CDK14: variants seen among roughly 807,000 people sequenced by gnomAD.
The protein encoded by CDK14 is cyclin dependent kinase 14.
CDK14 carries 34 observed loss-of-function variants against 60.7 expected under a neutral mutation model. The ratio of observed to expected loss-of-function variants is 0.56; its 90% confidence interval spans 0.43 to 0.75. CDK14 has a LOEUF of 0.75. Ranked by LOEUF, CDK14 falls within the 30% of genes least tolerant of loss-of-function variation. The pLI is 0.00. For synonymous variants in CDK14, 197 were observed against 203.7 expected, an observed-to-expected ratio of 0.97 and a Z score of 0.28; for missense variants, 482 against 564.1, an observed-to-expected ratio of 0.85 and a Z score of 1.47.
intron 14 of CDK14, among the ~76,000 whole-genome samples, chr7:91,187,053 C>A (rs187452171): frequency 1.3e-5 from 2 of 152,296 alleles, no homozygotes; most frequent in South Asian, 2.1e-4. Context: ...AAAAACAGTA[C>A]GTAATTATGT....
chr7:90,779,585 A>G (rs1805221743), intron 4 of CDK14, among the ~76,000 whole-genome samples: 1 of 152,184 alleles, frequency 6.6e-6, no homozygotes. Context: ...ATTCTTTAAA[A>G]AAGAACTTAT....
At chr7:90,737,235 G>T (rs1803156807) in intron 3 of CDK14, among the ~76,000 whole-genome samples, 1 of 152,128 alleles carries the variant, frequency 6.6e-6, no homozygotes, top group African/African-American at 2.4e-5. Context: ...ATTTAGAAGG[G>T]ATTTCATTGA....
At chr7:90,720,663 T>C (rs1802415466) in intron 2 of CDK14, among the ~76,000 whole-genome samples, 1 of 152,218 alleles carries the variant, frequency 6.6e-6, no homozygotes, top group South Asian at 2.1e-4. Flanking sequence ...TATTAATATA[T>C]TACTATACTT....
At chr7:90,655,234 T>G (rs2188146) in intron 2 of CDK14, among the ~76,000 whole-genome samples, 46,405 of 152,042 alleles carry the variant, frequency 0.31, 7,970 homozygotes, top group East Asian at 0.67. Flanking sequence ...CATTTACCCA[T>G]TGATGTAACA....
chr7:90,893,282 G>A (rs942911764), intron 6 of CDK14, among the ~76,000 whole-genome samples: 2 of 152,178 alleles, frequency 1.3e-5, no homozygotes, highest in Admixed American at 1.3e-4. Context: ...GAAGAGGTGA[G>A]GCATAATTTA....
intron 8 of CDK14, among the ~76,000 whole-genome samples, chr7:90,922,190 C>T (rs1418150145): frequency 6.6e-6 from 1 of 152,118 alleles, no homozygotes; most frequent in Non-Finnish European, 1.5e-5. Flanking sequence ...TAACTTAGCT[C>T]ATTTGTTGTG....
intron 9 of CDK14, among the ~76,000 whole-genome samples, chr7:90,975,616 T>C (rs544980819): frequency 6.6e-6 from 1 of 152,172 alleles, no homozygotes; most frequent in Admixed American, 6.5e-5. Flanking sequence ...CCTACATTGG[T>C]ATAAGACACT....
intron 2 of CDK14, among the ~76,000 whole-genome samples, chr7:90,685,457 G>A (rs1801412115): frequency 6.6e-6 from 1 of 151,644 alleles, no homozygotes; most frequent in African/African-American, 2.4e-5. Flanking sequence ...ATTTTGATTA[G>A]CCTGGCATTG....
chr7:90,667,961 C>T (rs988869260), intron 2 of CDK14, among the ~76,000 whole-genome samples: 1 of 152,068 alleles, frequency 6.6e-6, no homozygotes, highest in Admixed American at 6.6e-5. Flanking sequence ...GGGTTGTTTC[C>T]ACTTTTTGGC....
At chr7:90,916,371 C>T (rs1009237995) in intron 7 of CDK14, among the ~76,000 whole-genome samples, 9 of 152,134 alleles carry the variant, frequency 5.9e-5, no homozygotes, top group African/African-American at 1.9e-4. Flanking sequence ...CCTAGACTCT[C>T]GAAATAATCA....
chr7:90,649,256 C>CTTTG (rs1303940369), intron 2 of CDK14, among the ~76,000 whole-genome samples: 1,383 of 46,870 alleles, frequency 0.03, 198 homozygotes, highest in East Asian at 0.048. Flanking sequence ...TTCTTTCTTT[C>CTTTG]TTTCTTTCTT....
intron 4 of CDK14, among the ~76,000 whole-genome samples, chr7:90,775,293 G>T (rs73707877): frequency 6.6e-6 from 1 of 152,128 alleles, no homozygotes; most frequent in African/African-American, 2.4e-5. Flanking sequence ...AGAAGATTAG[G>T]AATGAATGGG....
In CDK14 at chr7:90,974,800, C is replaced by T. The variant is rs184505211; in HGVS notation, c.948-9348C>T. Among the ~76,000 whole-genome samples the T allele has an allele frequency of 5.0e-3, 756 of 151,968 alleles. 3 individuals carry two copies. Among genetic ancestry groups the T allele is most frequent in the Middle Eastern group, 0.017 (5 of 294 alleles). ...TGCATGCTGATGGATGTAATTAATC[C>T]ATATTTAGTTGAAAGATAGAAAGTT... On this transcript the variant is annotated intron_variant, in intron 9 of 14. Coordinates refer to ENST00000380050, the MANE Select transcript of CDK14 (RefSeq NM_001287135.2).
chr7:90,744,406 A>T (rs1379055585), intron 3 of CDK14, among the ~76,000 whole-genome samples: 1 of 152,118 alleles, frequency 6.6e-6, no homozygotes, highest in Non-Finnish European at 1.5e-5. Context: ...TCCCATGTCT[A>T]CTTCTCTCTA....
intron 4 of CDK14, among the ~76,000 whole-genome samples, chr7:90,775,462 T>C (rs1804984184): frequency 6.6e-6 from 1 of 152,100 alleles, no homozygotes; most frequent in African/African-American, 2.4e-5. Flanking sequence ...AAAAAGCTAC[T>C]ACAGATAAAA....
chr7:91,052,129 T>C (rs963493099), intron 11 of CDK14, among the ~76,000 whole-genome samples: 22 of 152,246 alleles, frequency 1.4e-4, no homozygotes, highest in African/African-American at 5.1e-4. Flanking sequence ...GAGCTGAGAG[T>C]GCGAGTGGTG....
At chr7:90,761,945 C>G (rs1021755141) in intron 4 of CDK14, among the ~76,000 whole-genome samples, 2 of 152,030 alleles carry the variant, frequency 1.3e-5, no homozygotes, top group East Asian at 3.9e-4. Flanking sequence ...AGCATATTAT[C>G]CAGTGAGGGA....
chr7:91,196,072 A>G (rs1457027871), intron 14 of CDK14, among the ~76,000 whole-genome samples: 1 of 152,200 alleles, frequency 6.6e-6, no homozygotes, highest in East Asian at 1.9e-4. Context: ...TGGCACCTCT[A>G]GGATAGCACT....
intron 11 of CDK14, among the ~76,000 whole-genome samples, chr7:91,050,285 A>AG (rs1365691703): frequency 1.3e-5 from 2 of 152,166 alleles, no homozygotes; most frequent in Non-Finnish European, 2.9e-5. Context: ...GAGAAGAAGC[A>AG]GGGGGACCCC....
Sources: gnomAD v4.1 joint callset for allele counts (sites outside exome capture counted in the v4.1 genomes callset) on GRCh38, gnomAD v4.1.1 for gene constraint, MANE v1.5 for transcripts, NCBI Gene and HGNC (gene_info 2026-07-23, HGNC 2026-07-21) for gene names.